The following KLHL5 variants were observed in gnomAD, a reference collection of about 807,000 sequenced individuals.
The protein encoded by KLHL5 is kelch like family member 5, also known as kelch-like protein 5.
Under a neutral mutation model 77.7 loss-of-function variants are expected in KLHL5, and 48 were observed. That is an observed-to-expected ratio of 0.62 (90% confidence interval 0.49 to 0.79). The LOEUF (loss-of-function observed/expected upper bound fraction) is 0.79, where lower values mean the gene tolerates loss of function less well. Among genes scored for constraint, KLHL5 ranks in the 30% least tolerant of loss-of-function variants. KLHL5 has a pLI of 0.00. For synonymous variants in KLHL5, 260 were observed against 297.0 expected (o/e 0.88, Z 1.28); for missense variants, 723 against 859.7 (o/e 0.84, Z 1.99).
intron 5 of KLHL5, among the ~76,000 whole-genome samples, chr4:39,093,643 T>A (rs980008534): frequency 6.6e-6 from 1 of 152,136 alleles, no homozygotes; most frequent in Admixed American, 6.6e-5. Context: ...TGGTGGCTCA[T>A]GCCTGTGATC....
the KLHL5 span, among the ~76,000 whole-genome samples, chr4:39,142,710 C>T: frequency 4.6e-5 from 7 of 150,582 alleles, no homozygotes; most frequent in Non-Finnish European, 8.8e-5. Flanking sequence ...CCATGGAATA[C>T]GATCCAGCCA....
At chr4:39,107,543 G>A (rs534197297) in intron 7 of KLHL5, 26 bp from the exon 8 acceptor site, 24 of 1,550,930 alleles carry the variant, frequency 1.5e-5, no homozygotes, top group African/African-American at 9.5e-5. Context: ...ATCTGAAGTC[G>A]TTAATTGTTT....
At position 39,081,979 on chromosome 4, in the gene KLHL5, A is replaced by G; in HGVS notation, c.720A>G (p.Lys240=). ...QYAYTGRLEL[K]EDNIECLLST... is the part of the protein sequence containing the mutation. ...ATCATTAAGGCCGCCTTGAATTAAA[A>G]GAAGATAATATTGAGTGCCTGTTAT... The change falls in exon 4 of 11, where the codon AAA becomes AAG. Residue 240 remains lysine (K), a synonymous_variant. Transcript: ENST00000504108. The surrounding 1 kb of genome is among the most constrained non-coding windows in gnomAD (Gnocchi z 4.3). The G allele has an allele frequency of 6.3e-7, 1 of 1,591,100 alleles. No homozygotes were observed. The highest frequency in any genetic ancestry group is 8.5e-7 in the Non-Finnish European group (1 of 1,171,214).
At chr4:39,064,640 A>C (rs1717725414) in intron 1 of KLHL5, among the ~76,000 whole-genome samples, 1 of 152,140 alleles carries the variant, frequency 6.6e-6, no homozygotes, top group South Asian at 2.1e-4. Flanking sequence ...TTATACACAC[A>C]TTGGTTGCTA....
chr4:39,055,721 C>A (rs896634558), intron 1 of KLHL5, among the ~76,000 whole-genome samples: 3 of 152,122 alleles, frequency 2.0e-5, no homozygotes, highest in African/African-American at 7.2e-5. Context: ...AATCTTTGAC[C>A]TCTGCAGCTG....
rs929177327 is a variant in KLHL5, at chr4:39,122,203, T to C, written c.*1137T>C. ...ATTTTGTGATAAATCCTATAAGATA[T>C]AAGTCATTGAGATGTCTAAGATGCT... On this transcript the variant is annotated 3_prime_UTR_variant, in exon 11 of 11. Coordinates refer to ENST00000504108, the MANE Select transcript of KLHL5 (RefSeq NM_015990.5). 6.6e-6 allele frequency: 1 copy of C among 152,504 alleles called. No individual in the cohort carries two copies. The highest frequency in any genetic ancestry group is 2.4e-5 in the African/African-American group (1 of 41,474). 9.4% of individuals were successfully genotyped at this position (152,504 alleles called of 1,614,324 possible).
chr4:39,057,657 C>A (rs1236131789), upstream of KLHL5, among the ~76,000 whole-genome samples: 3 of 152,094 alleles, frequency 2.0e-5, no homozygotes, highest in Admixed American at 2.0e-4. Flanking sequence ...TCATGCAATG[C>A]AACTTACTCT....
At chr4:39,073,719 A>G (rs1163622793) in intron 1 of KLHL5, among the ~76,000 whole-genome samples, 4 of 152,026 alleles carry the variant, frequency 2.6e-5, no homozygotes, top group Admixed American at 2.6e-4. Flanking sequence ...ATCTCAGCTC[A>G]CCGTAACCTC....
At chr4:39,048,530 A>G (rs1319679016) in intron 1 of KLHL5, among the ~76,000 whole-genome samples, 1 of 152,164 alleles carries the variant, frequency 6.6e-6, no homozygotes, top group Non-Finnish European at 1.5e-5. Flanking sequence ...CAGGTCAGCA[A>G]GAGAACTCCA....
At position 39,090,985 on chromosome 4, in the gene KLHL5, ATT is replaced by A. The variant is rs61479288; in HGVS notation, c.1113+4277_1113+4278del. Among the ~76,000 whole-genome samples, 829 of 127,308 alleles carry A rather than the reference ATT, an allele frequency of 6.5e-3. 3 individuals are homozygous for A. Among genetic ancestry groups the A allele is most frequent in the East Asian group, 9.9e-3 (43 of 4,324 alleles). The allele number at this position is 127,308 out of a possible 152,430, so 83.5% of individuals were successfully genotyped here. A position where few individuals can be genotyped will look rare whatever the true frequency, so the allele number is the denominator to read the frequency against. On this transcript the variant is annotated intron_variant, in intron 5 of 10. Coordinates refer to ENST00000504108, the MANE Select transcript of KLHL5 (RefSeq NM_015990.5). ...CACCACCATGCCCAGTCAGTTTTTA[ATT>A]TTTTTTTTTTTTTTTTTTAAGACAG...
chr4:39,057,257 A>G (rs114720600), upstream of KLHL5, among the ~76,000 whole-genome samples: 217 of 152,330 alleles, frequency 1.4e-3, 1 homozygote, highest in African/African-American at 4.9e-3. Context: ...TGTTAGGGAT[A>G]TAGTGGTCCC....
intron 1 of KLHL5, among the ~76,000 whole-genome samples, chr4:39,070,101 C>T (rs190351078): frequency 5.5e-4 from 83 of 152,256 alleles, no homozygotes; most frequent in Admixed American, 1.3e-3. Flanking sequence ...TGTGATCAAA[C>T]ATCATGAAAT....
the KLHL5 span, among the ~76,000 whole-genome samples, chr4:39,142,763 A>C: frequency 1.3e-5 from 2 of 152,036 alleles, no homozygotes; most frequent in Non-Finnish European, 1.5e-5. Flanking sequence ...ACTTGGAAGA[A>C]CCTCAAGGAA....
In KLHL5 at chr4:39,124,802, C is replaced by CAAAAAAAAAACAAAAAAAAA. The variant is rs1723425902; in HGVS notation, c.*3746_*3747insCAAAAAAAAAAAAAAAAAAA. ...GCACCAAAAGCACAAGCAACAACAG[C>CAAAAAAAAAACAAAAAAAAA]AAAAAAAAAAAAAAAAAAAAAAAAT... On this transcript the variant is annotated 3_prime_UTR_variant, in exon 11 of 11. Transcript: ENST00000504108. Among the ~76,000 whole-genome samples the CAAAAAAAAAACAAAAAAAAA allele has an allele frequency of 2.3e-5, 1 of 44,124 alleles. No homozygotes were observed. The highest frequency in any genetic ancestry group is 7.4e-5 in the African/African-American group (1 of 13,546). 28.9% of individuals were successfully genotyped at this position (44,124 alleles called of 152,430 possible).
chr4:39,136,005 C>CGT, the KLHL5 span, among the ~76,000 whole-genome samples: 18,333 of 145,716 alleles, frequency 0.13, 1,118 homozygotes, highest in Non-Finnish European at 0.15. Flanking sequence ...CATTCTAACA[C>CGT]GTGTGTGTGT....
intron 1 of KLHL5, among the ~76,000 whole-genome samples, chr4:39,068,437 C>CTGTGTGTGTGCGTGTGTG (rs1718102529): frequency 1.4e-5 from 2 of 147,860 alleles, no homozygotes. Context: ...CCAGAAAACA[C>CTGTGTGTGTGCGTGTGTG]TGTGTGTGTG....
chr4:39,086,537 G>C lies in KLHL5; in HGVS notation c.923G>C (p.Arg308Thr). 1 of 1,613,796 alleles carries C rather than the reference G, an allele frequency of 6.2e-7. No individual in the cohort carries two copies. Among genetic ancestry groups the C allele is most frequent in the Non-Finnish European group, 8.5e-7 (1 of 1,179,794 alleles). ...YTMEHFMEVI[R>T]NQEFVLLPAS... ...TAGGAGCATTTCATGGAAGTAATCA[G>C]AAACCAGGAATTTGTATTATTACCA... Residue 308 changes from arginine (R) to threonine (T), a missense_variant, in exon 5 of 11, where the codon AGA becomes ACA. Arg to Thr is a moderately conservative substitution (Grantham distance 71). This residue lies in a region of KLHL5 where 288 missense variants were observed against 400.3 expected (regional missense o/e 0.72). Transcript: ENST00000504108.
At position 39,123,347 on chromosome 4, in the gene KLHL5, C is replaced by A. The variant is rs1301906522; in HGVS notation, c.*2281C>A. 1.3e-5 allele frequency among the ~76,000 whole-genome samples: 2 copies of A among 152,188 alleles called. No individual in the cohort carries two copies. Among genetic ancestry groups the A allele is most frequent in the African/African-American group, 2.4e-5 (1 of 41,434 alleles). Reference sequence around the variant, plus strand: ...TCCCAAAAAATGGAAGAGAAAGGAGCACCCTGTGACATTCTATAAGGCGGA... The same window carrying A: ...TCCCAAAAAATGGAAGAGAAAGGAGAACCCTGTGACATTCTATAAGGCGGA... On this transcript the variant is annotated 3_prime_UTR_variant, in exon 11 of 11. Coordinates refer to ENST00000504108, the MANE Select transcript of KLHL5 (RefSeq NM_015990.5).
the KLHL5 span, among the ~76,000 whole-genome samples, chr4:39,134,490 T>C: frequency 6.6e-6 from 1 of 152,232 alleles, no homozygotes; most frequent in African/African-American, 2.4e-5. Flanking sequence ...CTGTATGACC[T>C]TAGAGCCTTT....
Sources: allele counts gnomAD v4.1 joint callset (sites outside exome capture counted in the v4.1 genomes callset), GRCh38; gene constraint gnomAD v4.1.1; regional missense constraint gnomAD v4.1.1; non-coding constraint Gnocchi (gnomAD v3.1); transcripts MANE v1.5; gene names NCBI Gene and HGNC (gene_info 2026-07-23, HGNC 2026-07-21).